Variants in DOCK1 observed in about 807,000 individuals in gnomAD.
DOCK1 encodes the protein dedicator of cytokinesis protein 1.
DOCK1 carries 138 observed loss-of-function variants against 262.7 expected under a neutral mutation model. The observed-to-expected ratio is 0.53, with a 90% CI of 0.46 to 0.61. The LOEUF is 0.61. DOCK1 is among the 20% of genes least tolerant of loss of function. The pLI, the probability that DOCK1 is intolerant of heterozygous loss-of-function variation, is 0.00. For synonymous variants in DOCK1, 866 were observed against 867.4 expected, an observed-to-expected ratio of 1.00 and a Z score of 0.03; for missense variants, 1,908 against 2,370.7, an observed-to-expected ratio of 0.80 and a Z score of 4.05.
At chr10:127,120,134 G>C (rs182482706) in intron 25 of DOCK1, among the ~76,000 whole-genome samples, 62 of 152,322 alleles carry the variant, frequency 4.1e-4, no homozygotes, top group Non-Finnish European at 7.1e-4. Flanking sequence ...AACCAGGATA[G>C]CTGTGCCAGC....
intron 1 of DOCK1, among the ~76,000 whole-genome samples, chr10:126,925,724 C>CTG (rs71032531): frequency 0.02 from 2,833 of 141,256 alleles, 35 homozygotes; most frequent in Non-Finnish European, 0.019. Context: ...ATTGCAGAGT[C>CTG]TGTGTGTGTG....
At chr10:127,093,294 A>T (rs2047691184) in intron 23 of DOCK1, among the ~76,000 whole-genome samples, 1 of 114,802 alleles carries the variant, frequency 8.7e-6, no homozygotes, top group Admixed American at 1.1e-4. Flanking sequence ...CATCCCGGCT[A>T]AAGTGCAGTG....
At chr10:127,392,668 T>G (rs571882137) in intron 38 of DOCK1, among the ~76,000 whole-genome samples, 1 of 152,268 alleles carries the variant, frequency 6.6e-6, no homozygotes, top group South Asian at 2.1e-4. Flanking sequence ...TTGGGGCATA[T>G]TTTGTTTGTT....
At chr10:127,120,962 T>A (rs921913933) in intron 25 of DOCK1, among the ~76,000 whole-genome samples, 5 of 152,218 alleles carry the variant, frequency 3.3e-5, no homozygotes, top group Non-Finnish European at 5.9e-5. Flanking sequence ...TCAGTCAACC[T>A]GGGAGACGAC....
intron 42 of DOCK1, among the ~76,000 whole-genome samples, chr10:127,409,634 A>G (rs1342480625): frequency 1.3e-5 from 2 of 152,194 alleles, no homozygotes; most frequent in African/African-American, 4.8e-5. Context: ...AAGTCAGCTG[A>G]CAGCAAAAAC....
chr10:127,078,118 C>CTTAT (rs1591932673), intron 23 of DOCK1, among the ~76,000 whole-genome samples: 4 of 151,896 alleles, frequency 2.6e-5, no homozygotes, highest in East Asian at 1.9e-4. Flanking sequence ...GACATATGGG[C>CTTAT]TTATTTATTT....
intron 47 of DOCK1, 95 bp downstream of exon 47, chr10:127,426,106 T>G (rs1465299928): frequency 1.9e-6 from 3 of 1,573,280 alleles, no homozygotes; most frequent in African/African-American, 1.3e-5. Context: ...GGAACTCACA[T>G]GTACACATGG....
chr10:127,293,974 G>C (rs997116904), intron 29 of DOCK1, among the ~76,000 whole-genome samples: 4 of 152,190 alleles, frequency 2.6e-5, no homozygotes, highest in African/African-American at 4.8e-5. Flanking sequence ...TCATGCAGGC[G>C]TACTGAGCTC....
intron 27 of DOCK1, among the ~76,000 whole-genome samples, chr10:127,220,765 G>GC (rs1160066187): frequency 6.6e-6 from 1 of 151,920 alleles, no homozygotes; most frequent in Non-Finnish European, 1.5e-5. Flanking sequence ...TAAAGAATTT[G>GC]CCCTTTTTTT....
chr10:126,934,549 C>G (rs2034420676), intron 1 of DOCK1, among the ~76,000 whole-genome samples: 1 of 152,198 alleles, frequency 6.6e-6, no homozygotes. Context: ...CTTTAAAAAT[C>G]ACTGATACCT....
chr10:127,266,254 C>T (rs1360588266), intron 29 of DOCK1, among the ~76,000 whole-genome samples: 1 of 152,200 alleles, frequency 6.6e-6, no homozygotes, highest in African/African-American at 2.4e-5. Flanking sequence ...GCTTGAGAAA[C>T]TCTTGGATTA....
chr10:127,424,485 G>C (rs2068696805), intron 46 of DOCK1, among the ~76,000 whole-genome samples: 1 of 152,152 alleles, frequency 6.6e-6, no homozygotes, highest in Admixed American at 6.5e-5. Flanking sequence ...TTAGTATCTA[G>C]GGTGGCTGTG....
chr10:127,176,275 G>A lies in DOCK1; in HGVS notation c.2847+48511G>A, dbSNP rs749004305. On this transcript the variant is annotated intron_variant, in intron 27 of 51. Coordinates refer to ENST00000623213, the MANE Select transcript of DOCK1 (RefSeq NM_001290223.2). This position sits in a 1 kb window ranked among gnomAD's most constrained non-coding sequence, Gnocchi z 4.4. ...AACCGCACCTGCAGGGCTTTGTTCC[G>A]TTTTTTAATCTGCCGGTTGGGGTCC... 4.6e-5 allele frequency: 74 copies of A among 1,613,960 alleles called. No homozygotes were observed. Among genetic ancestry groups the A allele is most frequent in the South Asian group, 1.4e-4 (13 of 91,078 alleles).
intron 43 of DOCK1, among the ~76,000 whole-genome samples, chr10:127,413,035 C>A (rs578037485): frequency 6.6e-6 from 1 of 152,320 alleles, no homozygotes. Context: ...AGGGCAGTGG[C>A]TTTCAGAGCA....
Position 127,175,387 on chromosome 10 carries a change from G to T in DOCK1, c.2847+47623G>T, listed in dbSNP as rs1037576344. The stretch of plus-strand genomic sequence containing the variant: ...TCTTCACCTGCAGCAACCGCTGTGG[G>T]ACTAGGCTGGTTCCCCAGCCCCGGC... On this transcript the variant is annotated intron_variant, in intron 27 of 51. Coordinates refer to ENST00000623213, the MANE Select transcript of DOCK1 (RefSeq NM_001290223.2). This position sits in a 1 kb window ranked among gnomAD's most constrained non-coding sequence, Gnocchi z 6.3. 1 of 1,613,752 alleles carries T rather than the reference G, an allele frequency of 6.2e-7. No homozygotes were observed. The highest frequency in any genetic ancestry group is 8.5e-7 in the Non-Finnish European group (1 of 1,180,052).
intron 18 of DOCK1, among the ~76,000 whole-genome samples, chr10:127,034,306 A>G (rs891630441): frequency 2.0e-5 from 3 of 151,604 alleles, no homozygotes; most frequent in East Asian, 1.9e-4. Context: ...GAGAGAGAGA[A>G]AGAGAGAGAG....
At chr10:127,299,790 T>C (rs2061622067) in intron 29 of DOCK1, among the ~76,000 whole-genome samples, 1 of 152,178 alleles carries the variant, frequency 6.6e-6, no homozygotes, top group Admixed American at 6.5e-5. Context: ...CTAGCCAGGG[T>C]ATGATCAGCG....
intron 18 of DOCK1, 62 bp downstream of exon 18, chr10:127,032,382 T>C: frequency 1.4e-6 from 2 of 1,446,946 alleles, no homozygotes. Flanking sequence ...GTCTTTTCCA[T>C]GCTCCTTCCT....
chr10:127,080,741 C>G (rs1554881550), intron 23 of DOCK1, among the ~76,000 whole-genome samples: 1 of 152,126 alleles, frequency 6.6e-6, no homozygotes, highest in Non-Finnish European at 1.5e-5. Flanking sequence ...TATAAATCAG[C>G]TTTATTTATT....
Sources: allele counts gnomAD v4.1 joint callset (sites outside exome capture counted in the v4.1 genomes callset), GRCh38; gene constraint gnomAD v4.1.1; non-coding constraint Gnocchi (gnomAD v3.1); transcripts MANE v1.5; gene names NCBI Gene and HGNC (gene_info 2026-07-23, HGNC 2026-07-21).